NAALADL2: variants seen among roughly 807,000 people sequenced by gnomAD.
NAALADL2 encodes the protein N-acetylated alpha-linked acidic dipeptidase like 2.
NAALADL2 carries 76 observed loss-of-function variants against 87.2 expected under a neutral mutation model. That is an observed-to-expected ratio of 0.87 (90% CI 0.72 to 1.05). The LOEUF (loss-of-function observed/expected upper bound fraction) is 1.05. Among genes scored for constraint, NAALADL2 ranks in the 50% least tolerant of loss-of-function variants. The probability of loss-of-function intolerance (pLI) is 0.00; values close to 1 mark genes in which losing one functional copy is unlikely to be tolerated. For synonymous variants in NAALADL2, 354 were observed against 331.0 expected, an observed-to-expected ratio of 1.07 and a Z score of -0.75; for missense variants, 1,089 against 945.8, an observed-to-expected ratio of 1.15 and a Z score of -1.99.
chr3:175,562,934 T>C (rs1340921614), intron 9 of NAALADL2, among the ~76,000 whole-genome samples: 9 of 140,714 alleles, frequency 6.4e-5, no homozygotes, highest in African/African-American at 5.1e-5. Flanking sequence ...GTAGAAAGGA[T>C]TGTCAAAAAT....
chr3:174,754,390 A>AT (rs1204299197), intron 3 of NAALADL2, among the ~76,000 whole-genome samples: 1 of 151,318 alleles, frequency 6.6e-6, no homozygotes, highest in South Asian at 2.1e-4. Flanking sequence ...GAAATTCATT[A>AT]TTTTTTGTGA....
At chr3:174,882,632 T>C (rs1029392570) in intron 1 of NAALADL2, among the ~76,000 whole-genome samples, 1 of 89,470 alleles carries the variant, frequency 1.1e-5, no homozygotes, top group South Asian at 3.8e-4. Context: ...TATATGTGCA[T>C]ATACACATAT....
intron 2 of NAALADL2, among the ~76,000 whole-genome samples, chr3:174,695,582 A>G (rs964744732): frequency 1.3e-5 from 2 of 152,082 alleles, no homozygotes; most frequent in Admixed American, 1.3e-4. Flanking sequence ...TACTGAAACT[A>G]AAAGAAATAC....
intron 1 of NAALADL2, among the ~76,000 whole-genome samples, chr3:174,509,200 T>G (rs1578051322): frequency 6.6e-6 from 1 of 152,224 alleles, no homozygotes; most frequent in South Asian, 2.1e-4. Flanking sequence ...TTTTTGTTTC[T>G]TAGAGAGAAA....
chr3:175,097,311 ATGT>A lies in NAALADL2; in HGVS notation c.545+25_545+27del, dbSNP rs778888268. On this transcript the variant is annotated intron_variant, in intron 2 of 13. Coordinates refer to ENST00000454872, the MANE Select transcript of NAALADL2 (RefSeq NM_207015.3). ...TTTCAGGTAGGTGAAGAAGAAACAGATGTTGTTTGAATGCATTTCTTGGGAAAA... is the reference window on the plus strand; with the variant it reads ...TTTCAGGTAGGTGAAGAAGAAACAGATGTTTGAATGCATTTCTTGGGAAAA... The A allele has an allele frequency of 1.9e-6, 3 of 1,587,762 alleles. No homozygotes were observed. Among genetic ancestry groups the A allele is most frequent in the Non-Finnish European group, 1.7e-6 (2 of 1,167,114 alleles).
intron 6 of NAALADL2, among the ~76,000 whole-genome samples, chr3:175,461,365 C>T (rs993829233): frequency 6.6e-6 from 1 of 152,070 alleles, no homozygotes; most frequent in Admixed American, 6.5e-5. Context: ...CTGATTGGTG[C>T]ATTTTTACAG....
intron 1 of NAALADL2, among the ~76,000 whole-genome samples, chr3:175,013,293 A>ATTT (rs1317049254): frequency 2.3e-4 from 18 of 79,776 alleles, no homozygotes; most frequent in Admixed American, 7.4e-4. Context: ...ATATATATAT[A>ATTT]TATATATATT....
rs533773267 is a variant in NAALADL2, at chr3:175,035,558, GC to G, written c.44-61231del. Among the ~76,000 whole-genome samples, 142 of 152,220 alleles carry G rather than the reference GC, an allele frequency of 9.3e-4. 1 individual carries two copies. Among genetic ancestry groups the G allele is most frequent in the African/African-American group, 3.3e-3 (136 of 41,546 alleles). On this transcript the variant is annotated intron_variant, in intron 1 of 13. Transcript: ENST00000454872. ...GTTGTCAAAGTGGCTTAGTAGGCAT[GC>G]AGACTAGAGTAAGACGAAGGACATG... is the stretch of plus-strand genomic sequence containing the variant.
At chr3:174,980,065 G>C (rs1452262246) in intron 1 of NAALADL2, among the ~76,000 whole-genome samples, 2 of 152,104 alleles carry the variant, frequency 1.3e-5, no homozygotes, top group Non-Finnish European at 2.9e-5. Context: ...AGCCTACAAT[G>C]CCTCTCTCAC....
At chr3:174,608,423 G>A (rs1231824111) in intron 2 of NAALADL2, among the ~76,000 whole-genome samples, 4 of 151,388 alleles carry the variant, frequency 2.6e-5, no homozygotes, top group Non-Finnish European at 1.5e-5. Context: ...CCGCTAGCAA[G>A]ACTAATAAAA....
chr3:174,569,412 A>G (rs1714663453), intron 2 of NAALADL2, among the ~76,000 whole-genome samples: 1 of 152,086 alleles, frequency 6.6e-6, no homozygotes. Context: ...TGTACAGTTC[A>G]ATGAATTTTG....
intron 1 of NAALADL2, among the ~76,000 whole-genome samples, chr3:174,986,874 A>G (rs1259629131): frequency 3.9e-5 from 6 of 152,196 alleles, no homozygotes; most frequent in East Asian, 1.9e-4. Flanking sequence ...GGAGACATCA[A>G]ACTAAAGTAA....
intron 2 of NAALADL2, among the ~76,000 whole-genome samples, chr3:174,602,542 T>A (rs1232491399): frequency 6.6e-6 from 1 of 151,348 alleles, no homozygotes; most frequent in African/African-American, 2.4e-5. Context: ...AAATATAGGA[T>A]AATATAATTT....
intron 5 of NAALADL2, among the ~76,000 whole-genome samples, chr3:175,338,517 C>G (rs1056785967): frequency 1.3e-5 from 2 of 150,418 alleles, no homozygotes; most frequent in African/African-American, 2.4e-5. Flanking sequence ...TTTATCAGGA[C>G]CCCAGTTTTA....
chr3:174,587,062 C>A (rs1289647327), intron 2 of NAALADL2, among the ~76,000 whole-genome samples: 1 of 151,392 alleles, frequency 6.6e-6, no homozygotes, highest in Non-Finnish European at 1.5e-5. Flanking sequence ...CACTTCTCAC[C>A]TATGAGTGAG....
intron 1 of NAALADL2, among the ~76,000 whole-genome samples, chr3:175,041,256 T>G (rs1754049496): frequency 6.6e-6 from 1 of 152,158 alleles, no homozygotes; most frequent in Admixed American, 6.6e-5. Flanking sequence ...GTATAATTAA[T>G]ACTTTTCCAT....
At chr3:174,779,318 T>A (rs977167362) in intron 3 of NAALADL2, among the ~76,000 whole-genome samples, 5 of 137,846 alleles carry the variant, frequency 3.6e-5, no homozygotes, top group Admixed American at 7.3e-5. Context: ...CCACTTTTGA[T>A]GGGGTTGTTT....
chr3:174,812,487 C>A (rs144411557), intron 3 of NAALADL2, among the ~76,000 whole-genome samples: 3 of 152,080 alleles, frequency 2.0e-5, no homozygotes, highest in Non-Finnish European at 4.4e-5. Flanking sequence ...CAACTATGTT[C>A]CTGGTTTATG....
intron 9 of NAALADL2, among the ~76,000 whole-genome samples, chr3:175,546,366 A>G (rs1361301010): frequency 6.6e-6 from 1 of 152,014 alleles, no homozygotes; most frequent in African/African-American, 2.4e-5. Context: ...GTGTCTTTTA[A>G]TTGGGGCATG....
Sources: allele counts gnomAD v4.1 joint callset (sites outside exome capture counted in the v4.1 genomes callset), GRCh38; gene constraint gnomAD v4.1.1; transcripts MANE v1.5; gene names NCBI Gene and HGNC (gene_info 2026-07-23, HGNC 2026-07-21).